The following CCSER1 variants were observed in gnomAD, a reference collection of about 807,000 sequenced individuals.
The protein encoded by CCSER1 is serine-rich coiled-coil domain-containing protein 1.
A neutral mutation model predicts 82.0 loss-of-function variants in CCSER1; 41 were observed. The ratio of observed to expected loss-of-function variants is 0.50; its 90% confidence interval spans 0.39 to 0.65. The LOEUF is 0.65. Ranked by LOEUF, CCSER1 falls within the 30% of genes least tolerant of loss-of-function variation. CCSER1 has a pLI of 0.00. For missense variants in CCSER1, 1,119 were observed against 1,064.2 expected (o/e 1.05, Z -0.72); for synonymous variants, 414 against 383.9 (o/e 1.08, Z -0.92).
chr4:90,484,493 C>T (rs1407204771), intron 5 of CCSER1, among the ~76,000 whole-genome samples: 1 of 152,114 alleles, frequency 6.6e-6, no homozygotes, highest in Non-Finnish European at 1.5e-5. Flanking sequence ...TTTTCCCCAT[C>T]TTTGTGGTTT....
intron 1 of CCSER1, among the ~76,000 whole-genome samples, chr4:90,260,460 G>A (rs1488949854): frequency 6.6e-6 from 1 of 152,100 alleles, no homozygotes; most frequent in East Asian, 1.9e-4. Context: ...ATAGGTTTAG[G>A]ATTGTAATGT....
At chr4:91,068,922 C>A (rs1581469208) in intron 9 of CCSER1, among the ~76,000 whole-genome samples, 1 of 152,090 alleles carries the variant, frequency 6.6e-6, no homozygotes, top group Non-Finnish European at 1.5e-5. Flanking sequence ...GTGGCTCATG[C>A]CTGTAATCCC....
intron 5 of CCSER1, among the ~76,000 whole-genome samples, chr4:90,485,228 G>A (rs148194600): frequency 6.6e-4 from 101 of 152,302 alleles, no homozygotes; most frequent in African/African-American, 2.1e-3. Context: ...TTGGAAGAGC[G>A]CAGTATTAGG....
At chr4:91,147,934 A>C (rs973494235) in intron 10 of CCSER1, among the ~76,000 whole-genome samples, 1 of 152,192 alleles carries the variant, frequency 6.6e-6, no homozygotes, top group African/African-American at 2.4e-5. Context: ...ATTTCTTAAG[A>C]TGTAATGTTT....
chr4:90,688,858 T>C (rs1294062946), intron 6 of CCSER1, among the ~76,000 whole-genome samples: 1 of 152,156 alleles, frequency 6.6e-6, no homozygotes, highest in African/African-American at 2.4e-5. Flanking sequence ...CATCTCAGTA[T>C]AAATACATAT....
At chr4:90,541,730 T>A (rs1776139366) in intron 5 of CCSER1, among the ~76,000 whole-genome samples, 2 of 152,078 alleles carry the variant, frequency 1.3e-5, no homozygotes, top group South Asian at 4.1e-4. Context: ...AATGTTATGA[T>A]GTTATGTTAT....
chr4:91,177,678 T>C (rs2149019918), intron 10 of CCSER1, among the ~76,000 whole-genome samples: 1 of 152,300 alleles, frequency 6.6e-6, no homozygotes, highest in South Asian at 2.1e-4. Context: ...CCCTTTAACA[T>C]TTTTAATACA....
chr4:91,303,199 G>C (rs1353372982), intron 10 of CCSER1, among the ~76,000 whole-genome samples: 1 of 151,944 alleles, frequency 6.6e-6, no homozygotes, highest in East Asian at 1.9e-4. Context: ...TGATTTATTA[G>C]GGACTTTCAA....
At chr4:91,259,070 A>G (rs969989063) in intron 10 of CCSER1, among the ~76,000 whole-genome samples, 14 of 152,142 alleles carry the variant, frequency 9.2e-5, no homozygotes, top group African/African-American at 3.4e-4. Flanking sequence ...ATTTGGAAAA[A>G]TAAAGAAAAA....
At chr4:91,059,244 G>A (rs1743722525) in intron 9 of CCSER1, among the ~76,000 whole-genome samples, 1 of 119,506 alleles carries the variant, frequency 8.4e-6, no homozygotes, top group Admixed American at 8.2e-5. Flanking sequence ...TGACTTGCTT[G>A]TATATAATAA....
At chr4:90,825,866 AT>A (rs1333276585) in intron 8 of CCSER1, among the ~76,000 whole-genome samples, 2 of 150,074 alleles carry the variant, frequency 1.3e-5, no homozygotes, top group African/African-American at 2.5e-5. Context: ...AGTTTTCTGT[AT>A]TTTTAGTAGA....
At chr4:90,933,380 G>C (rs1358885403) in intron 9 of CCSER1, among the ~76,000 whole-genome samples, 1 of 151,680 alleles carries the variant, frequency 6.6e-6, no homozygotes, top group Non-Finnish European at 1.5e-5. Flanking sequence ...GTAGAGACGG[G>C]GTTTCACCGT....
chr4:90,726,788 A>G (rs147184700), intron 7 of CCSER1, among the ~76,000 whole-genome samples: 249 of 152,240 alleles, frequency 1.6e-3, no homozygotes, highest in African/African-American at 5.8e-3. Context: ...ACAAAAATTC[A>G]TCCAACTTTG....
At chr4:90,483,021 G>T (rs1272546056) in intron 5 of CCSER1, among the ~76,000 whole-genome samples, 1 of 152,060 alleles carries the variant, frequency 6.6e-6, no homozygotes, top group Non-Finnish European at 1.5e-5. Context: ...CACTTTGTAG[G>T]TCACTAAGTA....
chr4:90,807,222 C>A (rs1331783507), intron 7 of CCSER1, among the ~76,000 whole-genome samples: 3 of 152,048 alleles, frequency 2.0e-5, no homozygotes, highest in Non-Finnish European at 4.4e-5. Context: ...TTACCTGCAT[C>A]CTACTATGCT....
chr4:91,531,408 G>C (rs917033421), intron 10 of CCSER1, among the ~76,000 whole-genome samples: 3 of 152,132 alleles, frequency 2.0e-5, no homozygotes, highest in Admixed American at 6.6e-5. Context: ...TCAGTGTGGT[G>C]AGTTCTTAAT....
At chr4:91,089,726 T>C (rs1723754064) in intron 10 of CCSER1, among the ~76,000 whole-genome samples, 1 of 152,172 alleles carries the variant, frequency 6.6e-6, no homozygotes, top group African/African-American at 2.4e-5. Context: ...GATAAGAGTT[T>C]TAAATCCTCC....
chr4:90,504,157 A>G (rs956454310), intron 5 of CCSER1, among the ~76,000 whole-genome samples: 1 of 152,080 alleles, frequency 6.6e-6, no homozygotes, highest in Non-Finnish European at 1.5e-5. Flanking sequence ...TTTTTTCAAT[A>G]AGATCATATC....
In CCSER1 at chr4:90,315,727, C is replaced by T. The variant is rs1736056026; in HGVS notation, c.1509+2680C>T. On this transcript the variant is annotated intron_variant, in intron 3 of 10. Transcript: ENST00000509176. ...CCATGTTGGCCTGATTGGTCTTGAACACCTGACCTCAGGTGATCCACTCAC... is the reference window on the plus strand; with the variant it reads ...CCATGTTGGCCTGATTGGTCTTGAATACCTGACCTCAGGTGATCCACTCAC... Among the ~76,000 whole-genome samples, 3 of 152,190 alleles carry T rather than the reference C, an allele frequency of 2.0e-5. No homozygotes were observed. In the South Asian group the frequency reaches 6.2e-4, roughly 31 times the overall value.
Sources: gnomAD v4.1 joint callset for allele counts (sites outside exome capture counted in the v4.1 genomes callset) on GRCh38, gnomAD v4.1.1 for gene constraint, MANE v1.5 for transcripts, NCBI Gene and HGNC (gene_info 2026-07-23, HGNC 2026-07-21) for gene names.